The following ADGRF3 variants were observed in gnomAD, a reference collection of about 807,000 sequenced individuals.
ADGRF3 encodes G protein-coupled receptor 113.
In ADGRF3, 85 loss-of-function variants were observed where a neutral mutation model predicts 93.2. That is an observed-to-expected ratio of 0.91 (90% CI 0.77 to 1.09). The LOEUF (loss-of-function observed/expected upper bound fraction) is 1.09. Ranked by LOEUF, ADGRF3 falls within the 50% of genes least tolerant of loss-of-function variation. The pLI, the probability that ADGRF3 is intolerant of heterozygous loss-of-function variation, is 0.00. For synonymous variants in ADGRF3, 534 were observed against 532.5 expected, an observed-to-expected ratio of 1.00 and a Z score of -0.04; for missense variants, 1,125 against 1,246.2, an observed-to-expected ratio of 0.90 and a Z score of 1.46.
rs1676771788 is a variant in ADGRF3 at position 26,346,565 on chromosome 2, T to C, written c.-331A>G. ...AGCGAGGGAATTCCCTTCCTATTTTTTTTAAACTTATTATTTTCGTAAGCC... is the reference window on the plus strand; with the variant it reads ...AGCGAGGGAATTCCCTTCCTATTTTCTTTAAACTTATTATTTTCGTAAGCC... On this transcript the variant is annotated 5_prime_UTR_variant, in exon 1 of 14. Transcript: ENST00000651242. 3.0e-6 allele frequency: 1 copy of C among 333,286 alleles called. No individual in the cohort carries two copies. The highest frequency in any genetic ancestry group is 2.2e-5 in the African/African-American group (1 of 46,298). The allele number at this position is 333,286 out of a possible 1,614,324, so 20.6% of individuals were successfully genotyped here. A position where few individuals can be genotyped will look rare whatever the true frequency, so the allele number is the denominator to read the frequency against.
intron 1 of ADGRF3, among the ~76,000 whole-genome samples, chr2:26,323,612 ACTT>A (rs967746583): frequency 1.2e-4 from 17 of 146,134 alleles, no homozygotes; most frequent in African/African-American, 3.8e-4. Context: ...GGCCTCCATT[ACTT>A]CTTCTTCTTC....
Position 26,346,114 on chromosome 2 carries a change from C to G in ADGRF3, c.114+7G>C. The G allele has an allele frequency of 1.3e-6, 2 of 1,577,412 alleles. No individual in the cohort carries two copies. Among genetic ancestry groups the G allele is most frequent in the Non-Finnish European group, 8.6e-7 (1 of 1,163,824 alleles). ...CGTGCGCGGTGGGCGGAGCGCGGCT[C>G]TCCTACCTTCTCGGGCAGCCCAGTC... On this transcript the variant is annotated splice_region_variant and intron_variant, in intron 1 of 13. Coordinates refer to ENST00000651242, the MANE Select transcript of ADGRF3 (RefSeq NM_001321971.2).
intron 1 of ADGRF3, among the ~76,000 whole-genome samples, chr2:26,319,966 T>C (rs1224593001): frequency 6.6e-6 from 1 of 152,210 alleles, no homozygotes; most frequent in Non-Finnish European, 1.5e-5. Flanking sequence ...TAAAATAATT[T>C]TAAACTGCGG....
intron 1 of ADGRF3, among the ~76,000 whole-genome samples, chr2:26,330,609 G>A (rs749717763): frequency 3.3e-5 from 5 of 151,996 alleles, no homozygotes; most frequent in Non-Finnish European, 7.4e-5. Flanking sequence ...TGCTGCCATG[G>A]GATTGCTTAG....
chr2:26,328,252 G>T (rs1043785268), intron 1 of ADGRF3, among the ~76,000 whole-genome samples: 6 of 134,890 alleles, frequency 4.4e-5, no homozygotes, highest in African/African-American at 1.5e-4. Context: ...CTGCTTTCAA[G>T]ATTTTTTCTT....
intron 7 of ADGRF3, 21 bp from the exon 8 acceptor site, chr2:26,313,594 G>T (rs749150428): frequency 5.0e-6 from 8 of 1,592,200 alleles, no homozygotes; most frequent in Non-Finnish European, 6.8e-6. Context: ...ACGAGCAGGC[G>T]CTACTCAGCA....
chr2:26,343,906 T>C (rs963187311), intron 1 of ADGRF3, among the ~76,000 whole-genome samples: 4 of 152,248 alleles, frequency 2.6e-5, no homozygotes, highest in African/African-American at 9.6e-5. Flanking sequence ...TACAACCTTA[T>C]GCAGAGAAGC....
chr2:26,312,672 C>T (rs1164546293), intron 9 of ADGRF3, among the ~76,000 whole-genome samples: 4 of 152,232 alleles, frequency 2.6e-5, no homozygotes, highest in East Asian at 1.9e-4. Context: ...CATAGCCACA[C>T]GCCTGCATGC....
chr2:26,316,114 C>G, intron 4 of ADGRF3, 161 bp downstream of exon 4: 1 of 720,422 alleles, frequency 1.4e-6, no homozygotes, highest in Non-Finnish European at 2.2e-6. Context: ...GTTCCAAGCT[C>G]AGGGCCTGTG....
At chr2:26,345,993 G>T in intron 1 of ADGRF3, 128 bp downstream of exon 1, 2 of 946,762 alleles carry the variant, frequency 2.1e-6, no homozygotes, top group South Asian at 1.7e-5. Context: ...GGGACGGGCC[G>T]CTCGAGCGGG....
At chr2:26,313,263 G>A in intron 8 of ADGRF3, 114 bp downstream of exon 8, 2 of 1,430,506 alleles carry the variant, frequency 1.4e-6, no homozygotes, top group Admixed American at 2.1e-5. Context: ...CCACTTCAGA[G>A]AAGCTGAACA....
At position 26,316,938 on chromosome 2, in the gene ADGRF3, A is replaced by G. The variant is rs75819301; in HGVS notation, c.299T>C (p.Leu100Pro). ...TGTTGTGAGTCTGAGGCCAGTGAGA[A>G]GAGGCCTTGGGGAAGAGGAAGCTGA... The part of the protein sequence containing the change: ...AASASSSPRP[L>P]LTGLRLTTEC... The change falls in exon 3 of 14, where the codon CTT becomes CCT. Residue 100 changes from leucine (L) to proline (P), a missense_variant. Coordinates refer to ENST00000651242, the MANE Select transcript of ADGRF3 (RefSeq NM_001321971.2). The G allele has an allele frequency of 0.034, 55,418 of 1,611,712 alleles. 1,417 individuals carry two copies. Among genetic ancestry groups the G allele is most frequent in the African/African-American group, 0.094 (7,027 of 74,836 alleles).
Position 26,308,286 on chromosome 2 carries a change from A to G in ADGRF3, c.*800T>C, listed in dbSNP as rs1673719642. The G allele has an allele frequency of 6.6e-6, 1 of 152,272 alleles. No individual in the cohort carries two copies. Among genetic ancestry groups the G allele is most frequent in the Admixed American group, 6.5e-5 (1 of 15,296 alleles). 9.4% of individuals were successfully genotyped at this position (152,272 alleles called of 1,614,324 possible). A position where few individuals can be genotyped will look rare whatever the true frequency, so the allele number is the denominator to read the frequency against. On this transcript the variant is annotated 3_prime_UTR_variant, in exon 14 of 14. Transcript: ENST00000651242. Reference sequence around the variant, plus strand: ...CCGATTCATCAGACTTTTTTCACGTATCTAGTTTAAAAATTTCTCAGAATC... The same window carrying G: ...CCGATTCATCAGACTTTTTTCACGTGTCTAGTTTAAAAATTTCTCAGAATC...
chr2:26,317,642 A>G, intron 1 of ADGRF3, 80 bp from the exon 2 acceptor site: 2 of 1,255,492 alleles, frequency 1.6e-6, no homozygotes, highest in Non-Finnish European at 2.3e-6. Flanking sequence ...CTCAGCCAGC[A>G]TGACTCAGTC....
At chr2:26,345,758 ACTAAAACGGTATACCC>A (rs1676686907) in intron 1 of ADGRF3, 1 of 257,538 alleles carries the variant, frequency 3.9e-6, no homozygotes, top group African/African-American at 2.3e-5. Flanking sequence ...TACCCCCAAG[ACTAAAACGGTATACCC>A]CAGATCACCA....
intron 9 of ADGRF3, 57 bp downstream of exon 9, chr2:26,312,886 G>A: frequency 2.0e-6 from 3 of 1,487,654 alleles, no homozygotes; most frequent in Non-Finnish European, 2.7e-6. Flanking sequence ...CCCACAGGTG[G>A]GGAGTCTTCA....
rs560291186 is a variant in ADGRF3, at chr2:26,309,696, A to T, written c.2938-115T>A. 451 of 1,427,488 alleles carry T rather than the reference A, an allele frequency of 3.2e-4. 1 individual carries two copies. The African/African-American group carries it at 5.5e-3, about 17-fold the overall frequency. The allele number at this position is 1,427,488 out of a possible 1,614,324, so 88.4% of individuals were successfully genotyped here. On this transcript the variant is annotated intron_variant, in intron 12 of 13. Transcript: ENST00000651242. ...CATGCACTCCTGCCTGTGCTGCAGG[A>T]ATCCTAGAAATTTTGCTCTCAGCTA...
At chr2:26,317,685 T>G (rs1574710433) in intron 1 of ADGRF3, 123 bp from the exon 2 acceptor site, 1 of 880,156 alleles carries the variant, frequency 1.1e-6, no homozygotes, top group East Asian at 2.6e-5. Context: ...AGGAGTCAAG[T>G]GTACACATCA....
Position 26,314,448 on chromosome 2 carries a change from G to A in ADGRF3, c.894C>T (p.Tyr298=), listed in dbSNP as rs1288973895. ...SCCIPSTNLA[Y]TAAWSPGEGS... is the part of the protein sequence containing the mutation. ...CCTCTCCAGGGCTCCAGGCCGCGGT[G>A]TAGGCCAGGTTTGTGCTGGGGATGC... Residue 298 remains tyrosine (Y), a synonymous_variant, in exon 6 of 14, where the codon TAC becomes TAT. Coordinates refer to ENST00000651242, the MANE Select transcript of ADGRF3 (RefSeq NM_001321971.2). 2 of 1,613,892 alleles carry A rather than the reference G, an allele frequency of 1.2e-6. No individual in the cohort carries two copies. Among genetic ancestry groups the A allele is most frequent in the African/African-American group, 1.3e-5 (1 of 74,932 alleles).
Sources: allele counts gnomAD v4.1 joint callset (sites outside exome capture counted in the v4.1 genomes callset), GRCh38; gene constraint gnomAD v4.1.1; transcripts MANE v1.5; gene names NCBI Gene and HGNC (gene_info 2026-07-23, HGNC 2026-07-21).